The following MDM2 variants were observed in gnomAD, a reference collection of about 807,000 sequenced individuals.
MDM2 encodes E3 ubiquitin-protein ligase Mdm2.
A neutral mutation model predicts 64.3 loss-of-function variants in MDM2; 11 were observed. That is an observed-to-expected ratio of 0.17 (90% CI 0.11 to 0.28). MDM2 has a LOEUF of 0.28. Among genes scored for constraint, MDM2 ranks in the 10% least tolerant of loss-of-function variants. The pLI is 1.00. For missense variants in MDM2, 388 were observed against 577.1 expected (o/e 0.67, Z 3.36); for synonymous variants, 194 against 192.9 (o/e 1.01, Z -0.05).
rs1003322227 is a variant in MDM2, at chr12:68,843,713, C to CTCTG, written c.*3872_*3875dup. The CTCTG allele has an allele frequency of 4.5e-6, 1 of 222,044 alleles. No homozygotes were observed. The highest frequency in any genetic ancestry group is 2.2e-5 in the African/African-American group (1 of 44,516). The allele number at this position is 222,044 out of a possible 1,614,324, so 13.8% of individuals were successfully genotyped here. A position where few individuals can be genotyped will look rare whatever the true frequency, so the allele number is the denominator to read the frequency against. On this transcript the variant is annotated 3_prime_UTR_variant, in exon 11 of 11. Transcript: ENST00000258149. The stretch of plus-strand genomic sequence containing the variant: ...TTGCTTCAAAACTCTCTCTCTCTCT[C>CTCTG]TCTGTCTGTCTCAATAAATGGCCAA...
At chr12:68,818,631 G>T (rs904848120) in intron 4 of MDM2, among the ~76,000 whole-genome samples, 37 of 149,108 alleles carry the variant, frequency 2.5e-4, no homozygotes, top group Non-Finnish European at 4.3e-4. Context: ...AGTCACTTCT[G>T]TTTAATATCC....
At chr12:68,833,440 T>A (rs1272689337) in intron 8 of MDM2, among the ~76,000 whole-genome samples, 2 of 143,410 alleles carry the variant, frequency 1.4e-5, no homozygotes, top group East Asian at 2.0e-4. Flanking sequence ...TTATATATTT[T>A]AAAAATATAT....
chr12:68,831,170 C>G (rs959246084), intron 8 of MDM2, among the ~76,000 whole-genome samples: 1 of 152,048 alleles, frequency 6.6e-6, no homozygotes, highest in African/African-American at 2.4e-5. Context: ...TAAAACGACA[C>G]GGACACACGT....
In MDM2 at chr12:68,810,845, G is replaced by C. The variant is rs367545176; in HGVS notation, c.99+1553G>C. Among the ~76,000 whole-genome samples, 5 of 151,510 alleles carry C rather than the reference G, an allele frequency of 3.3e-5. No homozygotes were observed. The South Asian group carries it at 1.0e-3, about 32-fold the overall frequency. On this transcript the variant is annotated intron_variant, in intron 2 of 10. Transcript: ENST00000258149. ...TTTTCTCTAGTTTCTTGGTGAGGCT[G>C]GGCACCTTTCCTTTTTGTTTTTGTT...
At chr12:68,819,928 A>G (rs1268795078) in intron 4 of MDM2, among the ~76,000 whole-genome samples, 3 of 152,362 alleles carry the variant, frequency 2.0e-5, no homozygotes, top group East Asian at 1.9e-4. Flanking sequence ...TGGATTTTGC[A>G]TAACTCAATG....
chr12:68,816,381 TTTTTTTTTTG>T (rs1881376769), intron 3 of MDM2, among the ~76,000 whole-genome samples: 1 of 138,550 alleles, frequency 7.2e-6, no homozygotes, highest in African/African-American at 2.7e-5. Context: ...TTTTTTTTTT[TTTTTTTTTTG>T]AGATGAAGTC....
At position 68,808,476 on chromosome 12, in the gene MDM2, G is replaced by C. The variant is rs941099348; in HGVS notation, c.-2G>C. 2.5e-6 allele frequency: 4 copies of C among 1,613,986 alleles called. No homozygotes were observed. The highest frequency in any genetic ancestry group is 1.3e-5 in the African/African-American group (1 of 74,934). On this transcript the variant is annotated 5_prime_UTR_variant, in exon 1 of 11. Transcript: ENST00000258149. Reference sequence around the variant, plus strand: ...CCCCGACTCCAAGCGCGAAAACCCCGGATGGTGAGGAGCAGGTACTGGCCC... The same window carrying C: ...CCCCGACTCCAAGCGCGAAAACCCCCGATGGTGAGGAGCAGGTACTGGCCC...
chr12:68,832,897 C>T (rs574970941), intron 8 of MDM2, among the ~76,000 whole-genome samples: 134 of 151,176 alleles, frequency 8.9e-4, no homozygotes, highest in African/African-American at 3.1e-3. Flanking sequence ...GAGGCTGAGG[C>T]GGGCGGATCA....
At chr12:68,816,713 GGTT>G in intron 3 of MDM2, 96 bp from the exon 4 acceptor site, 1 of 1,056,158 alleles carries the variant, frequency 9.5e-7, no homozygotes, top group Non-Finnish European at 1.3e-6. Context: ...TATGGTTCCT[GGTT>G]GTTTACCCCT....
rs2136183317 is a variant in MDM2 at position 68,841,184 on chromosome 12, T to G, written c.*1335T>G. 5.4e-6 allele frequency: 1 copy of G among 185,802 alleles called. No individual in the cohort carries two copies. Among genetic ancestry groups the G allele is most frequent in the Middle Eastern group, 1.9e-3 (1 of 526 alleles). The allele number at this position is 185,802 out of a possible 1,614,324, so 11.5% of individuals were successfully genotyped here. A position where few individuals can be genotyped will look rare whatever the true frequency, so the allele number is the denominator to read the frequency against. On this transcript the variant is annotated 3_prime_UTR_variant, in exon 11 of 11. Transcript: ENST00000258149. ...TAAACCTTCTGATCCTTAGTTTCTC[T>G]CTCCAAAATACTCTTTCTAGGTTAA...
At chr12:68,811,378 A>C (rs536206368) in intron 2 of MDM2, among the ~76,000 whole-genome samples, 1 of 152,144 alleles carries the variant, frequency 6.6e-6, no homozygotes, top group African/African-American at 2.4e-5. Context: ...TTGGCTTTTG[A>C]ATTTCATATC....
chr12:68,838,517 T>C (rs960187168), intron 10 of MDM2, among the ~76,000 whole-genome samples: 10 of 152,200 alleles, frequency 6.6e-5, no homozygotes, highest in African/African-American at 2.2e-4. Context: ...AAAAATGTTT[T>C]AGCATTTCTC....
chr12:68,826,455 C>G (rs1175641706), intron 7 of MDM2, among the ~76,000 whole-genome samples: 1 of 151,864 alleles, frequency 6.6e-6, no homozygotes, highest in African/African-American at 2.4e-5. Flanking sequence ...TCGAGACCAA[C>G]CTGGCCAACA....
chr12:68,831,132 C>G (rs1329955193), intron 8 of MDM2, among the ~76,000 whole-genome samples: 1 of 152,038 alleles, frequency 6.6e-6, no homozygotes, highest in Non-Finnish European at 1.5e-5. Flanking sequence ...AGAGGAACAC[C>G]AGGTTTTTTG....
chr12:68,836,764 A>T lies in MDM2; in HGVS notation c.918+15A>T, dbSNP rs565963964. 51 of 1,555,128 alleles carry T rather than the reference A, an allele frequency of 3.3e-5. No homozygotes were observed. In the East Asian group the frequency reaches 1.1e-3, roughly 34 times the overall value. ...TTTCCTTAGCTGTAAGTATACATCTACTTTTTTAAGAAATAAAAATTTCAT... is the reference window on the plus strand; with the variant it reads ...TTTCCTTAGCTGTAAGTATACATCTTCTTTTTTAAGAAATAAAAATTTCAT... On this transcript the variant is annotated intron_variant, in intron 10 of 10. Coordinates refer to ENST00000258149, the MANE Select transcript of MDM2 (RefSeq NM_002392.6).
At chr12:68,839,170 C>A (rs954406751) in intron 10 of MDM2, 104 bp from the exon 11 acceptor site, 2 of 954,432 alleles carry the variant, frequency 2.1e-6, no homozygotes, top group Non-Finnish European at 3.1e-6. Context: ...GAATATTGAG[C>A]CCTATGATAT....
intron 10 of MDM2, 57 bp downstream of exon 10, chr12:68,836,806 A>G: frequency 9.6e-7 from 1 of 1,036,930 alleles, no homozygotes; most frequent in Non-Finnish European, 1.5e-6. Flanking sequence ...CAAGATTAGG[A>G]GACTATATCT....
At chr12:68,813,513 A>C (rs1881091164) in intron 2 of MDM2, 41 bp from the exon 3 acceptor site, 1 of 1,407,196 alleles carries the variant, frequency 7.1e-7, no homozygotes, top group South Asian at 1.2e-5. Flanking sequence ...TAGTTCTGGG[A>C]TAATTTTGGA....
At chr12:68,823,156 A>C (rs1042444290) in intron 5 of MDM2, among the ~76,000 whole-genome samples, 5 of 152,216 alleles carry the variant, frequency 3.3e-5, no homozygotes, top group Non-Finnish European at 7.3e-5. Flanking sequence ...GTAATGCCTT[A>C]CCCATAGTAT....
Sources: gnomAD v4.1 joint callset for allele counts (sites outside exome capture counted in the v4.1 genomes callset) on GRCh38, gnomAD v4.1.1 for gene constraint, MANE v1.5 for transcripts, NCBI Gene and HGNC (gene_info 2026-07-23, HGNC 2026-07-21) for gene names.